Variants in BMX observed in about 807,000 individuals in gnomAD.
BMX encodes BMX non-receptor tyrosine kinase, also known as cytoplasmic tyrosine-protein kinase BMX.
BMX carries 31 observed loss-of-function variants against 59.2 expected under a neutral mutation model. That is an observed-to-expected ratio of 0.52 (90% CI 0.39 to 0.71). The LOEUF (loss-of-function observed/expected upper bound fraction) is 0.71, where lower values mean the gene tolerates loss of function less well. Ranked by LOEUF, BMX falls within the 30% of genes least tolerant of loss-of-function variation. BMX has a pLI of 0.00. For synonymous variants in BMX, 185 were observed against 181.0 expected, an observed-to-expected ratio of 1.02 and a Z score of -0.18; for missense variants, 474 against 491.7, an observed-to-expected ratio of 0.96 and a Z score of 0.34.
At chrX:15,543,396 T>C (rs775556961) in intron 16 of BMX, among the ~76,000 whole-genome samples, 1 of 111,486 alleles carries the variant, frequency 9.0e-6, no homozygotes, top group Non-Finnish European at 1.9e-5. Context: ...AGCCACATTA[T>C]TGGATTGTTT....
At chrX:15,521,725 C>T (rs755518913) in intron 6 of BMX, among the ~76,000 whole-genome samples, 14 of 111,557 alleles carry the variant, frequency 1.3e-4, no homozygotes, top group Non-Finnish European at 2.6e-4. Flanking sequence ...ACCACCTTAT[C>T]TCCCTTTTAT....
intron 9 of BMX, among the ~76,000 whole-genome samples, chrX:15,528,067 A>C (rs1924882293): frequency 8.9e-6 from 1 of 112,564 alleles, no homozygotes; most frequent in Non-Finnish European, 1.9e-5. Context: ...CCATTTAAAC[A>C]GTCTCTATTC....
At chrX:15,537,060 G>A in intron 13 of BMX, 74 bp from the exon 14 acceptor site, 3 of 1,061,958 alleles carry the variant, frequency 2.8e-6, no homozygotes, top group Non-Finnish European at 3.9e-6. Flanking sequence ...CATTGGAGAA[G>A]AAATCACTTG....
intron 4 of BMX, among the ~76,000 whole-genome samples, 169 bp from the exon 5 acceptor site, chrX:15,515,942 CT>C (rs1924135760): frequency 8.9e-6 from 1 of 111,894 alleles, no homozygotes; most frequent in Non-Finnish European, 1.9e-5. Context: ...TTCTTTTTGG[CT>C]TATTAACTGT....
intron 1 of BMX, 88 bp downstream of exon 1, chrX:15,501,028 A>C: frequency 1.4e-6 from 1 of 692,705 alleles, no homozygotes; most frequent in African/African-American, 2.3e-5. Flanking sequence ...CTGAAGTTAC[A>C]AACTTTGGGA....
At chrX:15,507,965 T>C (rs935213743) in intron 1 of BMX, among the ~76,000 whole-genome samples, 1 of 111,752 alleles carries the variant, frequency 8.9e-6, no homozygotes, top group African/African-American at 3.3e-5. Context: ...TTGTGAGCTG[T>C]CTGGAGTTAA....
At chrX:15,546,770 T>A in intron 16 of BMX, 33 bp from the exon 17 acceptor site, 1 of 1,148,537 alleles carries the variant, frequency 8.7e-7, no homozygotes, top group East Asian at 3.0e-5. Flanking sequence ...CCACCACGGC[T>A]TAAGGTCTGT....
intron 1 of BMX, among the ~76,000 whole-genome samples, chrX:15,504,232 T>G (rs1262639479): frequency 8.9e-6 from 1 of 112,276 alleles, no homozygotes; most frequent in African/African-American, 3.2e-5. Context: ...TTTTCTTTTT[T>G]AAAACATAGT....
chrX:15,512,109 T>A (rs1202648091), intron 4 of BMX, among the ~76,000 whole-genome samples: 3 of 112,026 alleles, frequency 2.7e-5, no homozygotes, highest in African/African-American at 9.7e-5. Context: ...CCTGATTTTT[T>A]AACCAATACA....
intron 11 of BMX, among the ~76,000 whole-genome samples, chrX:15,532,319 CT>C (rs1263903195): frequency 1.6e-4 from 17 of 108,125 alleles, no homozygotes; most frequent in Middle Eastern, 4.6e-3. Flanking sequence ...GTAGTTAGCT[CT>C]TTTTTTTTCC....
Position 15,525,288 on chromosome X carries a change from T to A in BMX, c.753T>A (p.Ser251Arg), listed in dbSNP as rs1309563062. The stretch of plus-strand genomic sequence containing the variant: ...CTTATAAAATGTCTCTTTTTTGCAG[T>A]AGCAGCAGCAGTGAAGATGTTGCAA... Reference protein sequence around the residue: ...PDWWQVRKLKSSSSSEDVASS... With the variant: ...PDWWQVRKLKRSSSSEDVASS... The change falls in exon 8 of 19, where the codon AGT becomes AGA. Residue 251 changes from serine to arginine, a missense_variant and splice_region_variant. By Grantham distance (110) the Ser-to-Arg change is moderately radical. Coordinates refer to ENST00000348343, the MANE Select transcript of BMX (RefSeq NM_203281.3). 1 of 1,206,661 alleles carries A rather than the reference T, an allele frequency of 8.3e-7. No individual in the cohort carries two copies. The highest frequency in any genetic ancestry group is 3.0e-5 in the East Asian group (1 of 33,786).
At chrX:15,541,847 C>T in intron 14 of BMX, 135 bp from the exon 15 acceptor site, 3 of 603,671 alleles carry the variant, frequency 5.0e-6, no homozygotes, top group Middle Eastern at 1.1e-3. Flanking sequence ...TAAACTTTTC[C>T]CTCTCTTTCT....
intron 1 of BMX, among the ~76,000 whole-genome samples, chrX:15,505,743 C>T (rs978136819): frequency 9.0e-6 from 1 of 111,213 alleles, no homozygotes; most frequent in African/African-American, 3.3e-5. Context: ...GGAGAAGGTG[C>T]TTGAGGGCTC....
At chrX:15,509,559 C>A in intron 3 of BMX, 126 bp downstream of exon 3, 1 of 489,736 alleles carries the variant, frequency 2.0e-6, no homozygotes, top group Non-Finnish European at 3.1e-6. Flanking sequence ...GGAATATTCC[C>A]ACATGGGAGT....
At chrX:15,522,196 C>T (rs192155176) in intron 6 of BMX, 150 bp from the exon 7 acceptor site, 99 of 761,755 alleles carry the variant, frequency 1.3e-4, no homozygotes, top group African/African-American at 1.2e-3. Flanking sequence ...CTTTCCTTGC[C>T]TCTTTCCTTC....
At chrX:15,555,428 C>T (rs1408971758) in intron 18 of BMX, among the ~76,000 whole-genome samples, 8 of 109,674 alleles carry the variant, frequency 7.3e-5, no homozygotes, top group African/African-American at 1.0e-4. Context: ...AGGATGGTCT[C>T]GAACTCCTGG....
chrX:15,511,645 G>A (rs1257518271), intron 4 of BMX, 127 bp downstream of exon 4: 2 of 523,541 alleles, frequency 3.8e-6, no homozygotes, highest in African/African-American at 2.4e-5. Flanking sequence ...ACAATCTACT[G>A]ATTTTCCTAC....
At chrX:15,531,462 T>TAC in intron 11 of BMX, 55 bp downstream of exon 11, 2 of 972,698 alleles carry the variant, frequency 2.1e-6, no homozygotes, top group Non-Finnish European at 2.9e-6. Context: ...TCTTTGAATA[T>TAC]GCTGGTCACA....
chrX:15,524,564 G>A (rs1241359725), intron 7 of BMX, among the ~76,000 whole-genome samples: 2 of 112,235 alleles, frequency 1.8e-5, no homozygotes, highest in African/African-American at 3.2e-5. Context: ...ATTCTAGTGG[G>A]CAAGGCTCTT....
Sources: gnomAD v4.1 joint callset for allele counts (sites outside exome capture counted in the v4.1 genomes callset) on GRCh38, gnomAD v4.1.1 for gene constraint, MANE v1.5 for transcripts, NCBI Gene and HGNC (gene_info 2026-07-23, HGNC 2026-07-21) for gene names.